Variants in DNM2 observed in about 807,000 individuals in gnomAD.
The protein encoded by DNM2 is dynamin 2, also known as dynamin-2.
In DNM2, 15 loss-of-function variants were observed where a neutral mutation model predicts 99.0. The observed-to-expected ratio is 0.15, with a 90% confidence interval of 0.10 to 0.23. The LOEUF (loss-of-function observed/expected upper bound fraction) is 0.23. Ranked by LOEUF, DNM2 falls within the 10% of genes least tolerant of loss-of-function variation. DNM2 has a pLI of 1.00. For missense variants in DNM2, 742 were observed against 1,189.4 expected, an observed-to-expected ratio of 0.62 and a Z score of 5.53; for synonymous variants, 525 against 481.2, an observed-to-expected ratio of 1.09 and a Z score of -1.19.
At position 10,765,792 on chromosome 19, in the gene DNM2, G is replaced by T. The variant is rs1299387368; in HGVS notation, c.235+5981G>T. On this transcript the variant is annotated intron_variant, in intron 2 of 20. Coordinates refer to ENST00000389253, the MANE Select transcript of DNM2 (RefSeq NM_001005361.3). This position sits in a 1 kb window ranked among gnomAD's most constrained non-coding sequence, Gnocchi z 4.4. Reference sequence around the variant, plus strand: ...TCCCCAAGTTGTTCCCCCTGGTCCTGCCTGCCAACAGCAGGTTTGGGAAAG... The same window carrying T: ...TCCCCAAGTTGTTCCCCCTGGTCCTTCCTGCCAACAGCAGGTTTGGGAAAG... 6.6e-6 allele frequency among the ~76,000 whole-genome samples: 1 copy of T among 152,174 alleles called. No homozygotes were observed. The highest frequency in any genetic ancestry group is 1.5e-5 in the Non-Finnish European group (1 of 68,026).
chr19:10,767,351 A>G (rs2070831834), intron 2 of DNM2, among the ~76,000 whole-genome samples: 1 of 152,262 alleles, frequency 6.6e-6, no homozygotes, highest in South Asian at 2.1e-4. Flanking sequence ...TCCCCTTGTC[A>G]TCCAGGCTGG....
chr19:10,797,227 G>C (rs2071966707), intron 9 of DNM2, among the ~76,000 whole-genome samples, 153 bp from the exon 10 acceptor site: 1 of 152,010 alleles, frequency 6.6e-6, no homozygotes, highest in Non-Finnish European at 1.5e-5. Context: ...ATCCGAAGCA[G>C]CTTCCGGGGC....
chr19:10,782,139 C>T (rs1236531250), intron 5 of DNM2, among the ~76,000 whole-genome samples: 1 of 151,978 alleles, frequency 6.6e-6, no homozygotes, highest in Non-Finnish European at 1.5e-5. Context: ...CTCAGGTGAT[C>T]CTCCCATCTC....
chr19:10,808,667 A>G (rs540686780), intron 14 of DNM2, 87 bp downstream of exon 14: 1 of 1,444,118 alleles, frequency 6.9e-7, no homozygotes, highest in Admixed American at 2.0e-5. Flanking sequence ...CCTGTTCCCC[A>G]TCCCCTCCAA....
chr19:10,730,087 C>T (rs1261652203), intron 1 of DNM2, among the ~76,000 whole-genome samples: 1 of 152,148 alleles, frequency 6.6e-6, no homozygotes, highest in Admixed American at 6.6e-5. Context: ...TGGTCTCAAA[C>T]TCCTGGGCTC....
chr19:10,808,740 G>A, intron 14 of DNM2, 160 bp downstream of exon 14: 2 of 819,332 alleles, frequency 2.4e-6, no homozygotes, highest in Non-Finnish European at 3.8e-6. Context: ...GCGCTGGACT[G>A]CACGTTGCCC....
In DNM2 at chr19:10,811,560, C is replaced by T. The variant is rs954450638; in HGVS notation, c.1558-704C>T. ...GCGTGCCTCCGTGTGCTTCCTGCAGCTCCCAGGGCCCTCGTCCTGAGTGGG... is the reference window on the plus strand; with the variant it reads ...GCGTGCCTCCGTGTGCTTCCTGCAGTTCCCAGGGCCCTCGTCCTGAGTGGG... On this transcript the variant is annotated intron_variant, in intron 14 of 20. Coordinates refer to ENST00000389253, the MANE Select transcript of DNM2 (RefSeq NM_001005361.3). This position sits in a 1 kb window ranked among gnomAD's most constrained non-coding sequence, Gnocchi z 5.4. 3.1e-5 allele frequency: 12 copies of T among 382,044 alleles called. No homozygotes were observed. The highest frequency in any genetic ancestry group is 2.3e-4 in the African/African-American group (11 of 47,826). 23.7% of individuals were successfully genotyped at this position (382,044 alleles called of 1,614,324 possible). A position where few individuals can be genotyped will look rare whatever the true frequency, so the allele number is the denominator to read the frequency against.
intron 16 of DNM2, among the ~76,000 whole-genome samples, chr19:10,821,030 C>T (rs2072951953): frequency 6.6e-6 from 1 of 152,170 alleles, no homozygotes; most frequent in Non-Finnish European, 1.5e-5. Flanking sequence ...TCAGTAAAGG[C>T]CCGGTGGTAC....
At chr19:10,731,868 G>C (rs922642990) in intron 1 of DNM2, among the ~76,000 whole-genome samples, 9 of 152,242 alleles carry the variant, frequency 5.9e-5, no homozygotes, top group African/African-American at 2.2e-4. Context: ...TTGCTGGGAA[G>C]CTCAGGTCAG....
At chr19:10,805,032 A>G (rs1187083108) in intron 12 of DNM2, among the ~76,000 whole-genome samples, 3 of 152,254 alleles carry the variant, frequency 2.0e-5, no homozygotes, top group Non-Finnish European at 4.4e-5. Flanking sequence ...AGTAGAAAAT[A>G]TATTAGAACC....
chr19:10,783,755 C>T (rs920720638), intron 6 of DNM2, among the ~76,000 whole-genome samples: 1 of 150,492 alleles, frequency 6.6e-6, no homozygotes, highest in Admixed American at 6.7e-5. Context: ...GGCTAGAGTG[C>T]AGTGGCATGA....
chr19:10,731,376 CAG>C (rs1389706562), intron 1 of DNM2, among the ~76,000 whole-genome samples: 1 of 141,930 alleles, frequency 7.0e-6, no homozygotes, highest in Admixed American at 7.3e-5. Context: ...TTTTTTGAGG[CAG>C]AGTCTCACAG....
At chr19:10,751,457 C>T (rs2145814159) in intron 1 of DNM2, among the ~76,000 whole-genome samples, 1 of 152,218 alleles carries the variant, frequency 6.6e-6, no homozygotes, top group Non-Finnish European at 1.5e-5. Context: ...GCTAAGTGGC[C>T]AGTGTCAGTG....
At chr19:10,727,767 C>G (rs565371882) in intron 1 of DNM2, among the ~76,000 whole-genome samples, 7 of 152,198 alleles carry the variant, frequency 4.6e-5, no homozygotes, top group Admixed American at 4.6e-4. Context: ...TTATATTTGG[C>G]TCAGAGCCAC....
chr19:10,747,711 G>A (rs936822216), intron 1 of DNM2, among the ~76,000 whole-genome samples: 8 of 152,184 alleles, frequency 5.3e-5, no homozygotes, highest in African/African-American at 9.6e-5. Flanking sequence ...GGGACCCTGC[G>A]CCCATGAGGC....
chr19:10,744,971 A>G (rs1259580164), intron 1 of DNM2, among the ~76,000 whole-genome samples: 4 of 152,188 alleles, frequency 2.6e-5, no homozygotes, highest in African/African-American at 9.6e-5. Flanking sequence ...GGGGTTTCTC[A>G]GTACTGCTGA....
At chr19:10,767,439 G>A (rs1447644610) in intron 2 of DNM2, among the ~76,000 whole-genome samples, 1 of 152,204 alleles carries the variant, frequency 6.6e-6, no homozygotes, top group African/African-American at 2.4e-5. Flanking sequence ...AGCCACCCGT[G>A]TAGCTGGAAC....
chr19:10,794,799 G>A (rs146194481), intron 8 of DNM2, among the ~76,000 whole-genome samples: 4 of 152,242 alleles, frequency 2.6e-5, no homozygotes, highest in Admixed American at 6.5e-5. Flanking sequence ...GGGTGTGGTG[G>A]TGCATACTGA....
intron 1 of DNM2, among the ~76,000 whole-genome samples, chr19:10,743,094 C>T (rs984590037): frequency 1.9e-4 from 28 of 150,798 alleles, no homozygotes; most frequent in African/African-American, 6.8e-4. Context: ...TTTGTAGAGG[C>T]GAGGTTTCAT....
Sources: allele counts gnomAD v4.1 joint callset (sites outside exome capture counted in the v4.1 genomes callset), GRCh38; gene constraint gnomAD v4.1.1; non-coding constraint Gnocchi (gnomAD v3.1); transcripts MANE v1.5; gene names NCBI Gene and HGNC (gene_info 2026-07-23, HGNC 2026-07-21).